ABCA13: variants seen among roughly 807,000 people sequenced by gnomAD.
The protein encoded by ABCA13 is ATP-binding cassette sub-family A member 13.
A neutral mutation model predicts 478.7 loss-of-function variants in ABCA13; 476 were observed. The observed-to-expected ratio is 0.99, with a 90% CI of 0.92 to 1.07. The LOEUF (loss-of-function observed/expected upper bound fraction) is 1.07, where lower values mean the gene tolerates loss of function less well. Among genes scored for constraint, ABCA13 ranks in the 50% least tolerant of loss-of-function variants. The pLI is 0.00. For synonymous variants in ABCA13, 2,252 were observed against 2,158.9 expected (o/e 1.04, Z -1.20); for missense variants, 6,060 against 5,910.6 (o/e 1.03, Z -0.83).
chr7:48,338,570 CCT>C, intron 29 of ABCA13, 115 bp downstream of exon 29: 1 of 642,296 alleles, frequency 1.6e-6, no homozygotes. Context: ...AGTCACTTTT[CCT>C]CTCTCAGTTT....
chr7:48,259,289 T>C (rs1793838031), intron 15 of ABCA13, among the ~76,000 whole-genome samples: 1 of 152,198 alleles, frequency 6.6e-6, no homozygotes, highest in Admixed American at 6.5e-5. Context: ...TGCTCCTGTG[T>C]TGGATGCATA....
chr7:48,435,086 G>C (rs1310166673), intron 42 of ABCA13, among the ~76,000 whole-genome samples: 1 of 151,856 alleles, frequency 6.6e-6, no homozygotes, highest in Non-Finnish European at 1.5e-5. Flanking sequence ...AGTTTAGATA[G>C]TTTTGGGTGG....
intron 42 of ABCA13, among the ~76,000 whole-genome samples, chr7:48,445,015 T>C (rs1462548146): frequency 1.3e-5 from 2 of 148,802 alleles, no homozygotes; most frequent in African/African-American, 5.1e-5. Context: ...TTCTTTCTTT[T>C]TTTTTTTTTT....
In ABCA13 at chr7:48,274,759, G is replaced by A; in HGVS notation, c.5093G>A (p.Ser1698Asn). The change falls in exon 17 of 62, where the codon AGT becomes AAT. Residue 1698 changes from serine (S) to asparagine (N), a missense_variant. By Grantham distance (46) the Ser-to-Asn change is conservative (BLOSUM62 1). This residue lies in a region of ABCA13 where 4,423 missense variants were observed against 4,309.1 expected (regional missense o/e 1.03). Transcript: ENST00000435803. The part of the protein sequence containing the change: ...NLMDFFKNIS[S>N]VGTGNLVVNL... ...ATGGATTTCTTTAAGAATATCAGTA[G>A]TGTGGGAACTGGCAATTTAGTGGTC... 1.9e-6 allele frequency: 3 copies of A among 1,613,980 alleles called. No individual in the cohort carries two copies. The highest frequency in any genetic ancestry group is 4.5e-5 in the East Asian group (2 of 44,882).
Position 48,224,290 on chromosome 7 carries a change from TG to T in ABCA13, c.469-2968del, listed in dbSNP as rs545897896. Among the ~76,000 whole-genome samples, 224 of 152,332 alleles carry T rather than the reference TG, an allele frequency of 1.5e-3. 1 individual carries two copies. Among genetic ancestry groups the T allele is most frequent in the African/African-American group, 5.1e-3 (213 of 41,592 alleles). ...TAACAACCCCATTGCAACCCACAGC[TG>T]GGGTGACCACCAGACTCACATTGCC... is the stretch of plus-strand genomic sequence containing the variant. On this transcript the variant is annotated intron_variant, in intron 5 of 61. Transcript: ENST00000435803.
chr7:48,605,617 C>G (rs182803803), intron 58 of ABCA13, among the ~76,000 whole-genome samples: 3 of 152,138 alleles, frequency 2.0e-5, no homozygotes, highest in Non-Finnish European at 2.9e-5. Context: ...TTGGGTAACC[C>G]GACTTTTCTC....
intron 55 of ABCA13, among the ~76,000 whole-genome samples, chr7:48,547,694 CCATA>C (rs1302247988): frequency 6.6e-6 from 1 of 151,712 alleles, no homozygotes; most frequent in Non-Finnish European, 1.5e-5. Context: ...CTTTGGGTAC[CCATA>C]CAATCATTCT....
At chr7:48,621,471 T>C (rs1312618923) in intron 59 of ABCA13, among the ~76,000 whole-genome samples, 4 of 152,150 alleles carry the variant, frequency 2.6e-5, no homozygotes, top group Non-Finnish European at 4.4e-5. Flanking sequence ...GAGGTCTTGG[T>C]GTCTGAAAAC....
chr7:48,521,640 C>G (rs1336849227), intron 53 of ABCA13, among the ~76,000 whole-genome samples: 1 of 152,042 alleles, frequency 6.6e-6, no homozygotes, highest in Non-Finnish European at 1.5e-5. Flanking sequence ...TAGGATCCCC[C>G]TTGGCAGATT....
chr7:48,516,779 C>A lies in ABCA13; in HGVS notation c.13695C>A (p.Asp4565Glu). The change falls in exon 52 of 62, where the codon GAC (aspartate) becomes GAA (glutamate). Residue 4565 changes from aspartate (D) to glutamate (E), a missense_variant. Coordinates refer to ENST00000435803, the MANE Select transcript of ABCA13 (RefSeq NM_152701.5). ...YLMSRIFSSS[D>E]VAFISYVSLN... ...TGTCCAGAATCTTTTCCAGTTCGGA[C>A]GTGGCTTTCATTTCCTATGTCTCAC... is the stretch of plus-strand genomic sequence containing the variant. 1 of 1,613,796 alleles carries A rather than the reference C, an allele frequency of 6.2e-7. No individual in the cohort carries two copies. Among genetic ancestry groups the A allele is most frequent in the Non-Finnish European group, 8.5e-7 (1 of 1,179,740 alleles).
rs116150544 is a variant in ABCA13, at chr7:48,515,878, G to A, written c.13641-847G>A. Among the ~76,000 whole-genome samples the A allele has an allele frequency of 3.1e-3, 475 of 152,222 alleles. 2 individuals carry two copies. The highest frequency in any genetic ancestry group is 0.01 in the African/African-American group (432 of 41,520). On this transcript the variant is annotated intron_variant, in intron 51 of 61. Coordinates refer to ENST00000435803, the MANE Select transcript of ABCA13 (RefSeq NM_152701.5). ...TAAGTATTATTCCTGCCTTCCTGAT[G>A]AGAAGCAGAGCAGAGAAGCTCCTTT... is the stretch of plus-strand genomic sequence containing the variant.
At chr7:48,460,802 C>G (rs1279379649) in intron 43 of ABCA13, among the ~76,000 whole-genome samples, 2 of 152,216 alleles carry the variant, frequency 1.3e-5, no homozygotes, top group African/African-American at 4.8e-5. Flanking sequence ...ATTAAATTAA[C>G]TGAAGACTGA....
At chr7:48,411,045 T>C (rs1364949929) in intron 40 of ABCA13, among the ~76,000 whole-genome samples, 8 of 99,252 alleles carry the variant, frequency 8.1e-5, no homozygotes, top group African/African-American at 2.9e-4. Flanking sequence ...CTTTCTTTCT[T>C]TCTTTTTCTT....
intron 38 of ABCA13, among the ~76,000 whole-genome samples, chr7:48,398,568 T>C (rs990587405): frequency 3.3e-5 from 5 of 152,210 alleles, no homozygotes; most frequent in African/African-American, 4.8e-5. Flanking sequence ...TGCTAGAATC[T>C]TTAGAGTAAA....
At chr7:48,185,409 T>C (rs140312079) in intron 1 of ABCA13, among the ~76,000 whole-genome samples, 1 of 152,346 alleles carries the variant, frequency 6.6e-6, no homozygotes, top group African/African-American at 2.4e-5. Flanking sequence ...AAATACATTC[T>C]AGAATCAGCT....
rs746169215 is a variant in ABCA13, at chr7:48,281,431, C to T, written c.8815C>T (p.Arg2939Cys). The T allele has an allele frequency of 1.8e-5, 29 of 1,601,902 alleles. No individual in the cohort carries two copies. The African/African-American group carries it at 2.1e-4, about 12-fold the overall frequency. Residue 2939 changes from arginine (R) to cysteine (C), a missense_variant, in exon 19 of 62, where the codon CGT becomes TGT. Physicochemically the swap from Arg to Cys is radical, Grantham distance 180 (BLOSUM62 -3). Transcript: ENST00000435803. Reference sequence around the variant, plus strand: ...GCAGAAAGTGAAGATGATGGTCGTACGTGTGCTCACCATCGTTGCAGGTGG... The same window carrying T: ...GCAGAAAGTGAAGATGATGGTCGTATGTGTGCTCACCATCGTTGCAGGTGG... ...MLQKVKMMVV[R>C]VLTIVAENPS...
intron 5 of ABCA13, among the ~76,000 whole-genome samples, chr7:48,222,214 G>T (rs1787471988): frequency 6.6e-6 from 1 of 152,058 alleles, no homozygotes; most frequent in African/African-American, 2.4e-5. Context: ...GATGCACCAG[G>T]TCAAAAGGAA....
chr7:48,193,469 T>C (rs1221829390), intron 2 of ABCA13, among the ~76,000 whole-genome samples: 1 of 151,854 alleles, frequency 6.6e-6, no homozygotes, highest in African/African-American at 2.4e-5. Context: ...ATGGTGAAGA[T>C]GGTGATGATG....
chr7:48,576,998 A>C (rs1363193881), intron 55 of ABCA13, among the ~76,000 whole-genome samples: 2 of 152,210 alleles, frequency 1.3e-5, no homozygotes, highest in Non-Finnish European at 2.9e-5. Flanking sequence ...CGTTAAAGGA[A>C]TCAGAAAAGA....
Sources: gnomAD v4.1 joint callset for allele counts (sites outside exome capture counted in the v4.1 genomes callset) on GRCh38, gnomAD v4.1.1 for gene constraint, gnomAD v4.1.1 regional missense constraint, MANE v1.5 for transcripts, NCBI Gene and HGNC (gene_info 2026-07-23, HGNC 2026-07-21) for gene names.